Variants in TMEM232 observed in about 807,000 individuals in gnomAD.
TMEM232 encodes transmembrane protein 232.
TMEM232 carries 80 observed loss-of-function variants against 78.8 expected under a neutral mutation model. The ratio of observed to expected loss-of-function variants is 1.01; its 90% confidence interval spans 0.85 to 1.22. TMEM232 has a LOEUF of 1.22. Among genes scored for constraint, TMEM232 ranks in the 50% most tolerant of loss-of-function variants. The pLI is 0.00. For synonymous variants in TMEM232, 297 were observed against 254.3 expected (o/e 1.17, Z -1.60); for missense variants, 881 against 742.2 (o/e 1.19, Z -2.17).
chr5:110,566,806 A>G (rs1184757438), intron 11 of TMEM232, among the ~76,000 whole-genome samples: 1 of 151,916 alleles, frequency 6.6e-6, no homozygotes, highest in African/African-American at 2.4e-5. Context: ...GTATCTTTAC[A>G]GCAGCACCCC....
chr5:110,725,002 T>G (rs1226953528), intron 1 of TMEM232, among the ~76,000 whole-genome samples: 1 of 152,212 alleles, frequency 6.6e-6, no homozygotes, highest in Non-Finnish European at 1.5e-5. Context: ...GGTATATTTT[T>G]TAAAGAGATT....
intron 12 of TMEM232, among the ~76,000 whole-genome samples, chr5:110,516,638 CCAA>C (rs1450611611): frequency 6.6e-6 from 1 of 151,962 alleles, no homozygotes; most frequent in African/African-American, 2.4e-5. Context: ...GAGCATGCAT[CCAA>C]CAACATGTTC....
chr5:110,731,615 C>A (rs1580823042), upstream of TMEM232, among the ~76,000 whole-genome samples: 1 of 150,028 alleles, frequency 6.7e-6, no homozygotes, highest in Admixed American at 6.6e-5. Context: ...GAAGCCACAG[C>A]CCAAGCTCTA....
rs575018488 is a variant in TMEM232, at chr5:110,685,701, T to C, written c.-12-18337A>G. On this transcript the variant is annotated intron_variant, in intron 1 of 13. Coordinates refer to ENST00000455884, the MANE Select transcript of TMEM232 (RefSeq NM_001039763.4). Reference sequence around the variant, plus strand: ...AAAAAGACTTGTACAAGAATGCCTATAGTACTGTTATTCGCAATAGTCCCA... The same window carrying C: ...AAAAAGACTTGTACAAGAATGCCTACAGTACTGTTATTCGCAATAGTCCCA... Among the ~76,000 whole-genome samples, 49 of 152,256 alleles carry C rather than the reference T, an allele frequency of 3.2e-4. 1 individual carries two copies. The highest frequency in any genetic ancestry group is 1.1e-3 in the African/African-American group (46 of 41,550).
At chr5:110,448,195 A>G (rs543402658) in intron 12 of TMEM232, among the ~76,000 whole-genome samples, 1 of 152,242 alleles carries the variant, frequency 6.6e-6, no homozygotes, top group South Asian at 2.1e-4. Context: ...TGCAGTATAA[A>G]ATCATGAAAT....
intron 10 of TMEM232, among the ~76,000 whole-genome samples, chr5:110,578,447 A>C (rs1248738807): frequency 1.3e-5 from 2 of 152,016 alleles, no homozygotes; most frequent in Non-Finnish European, 2.9e-5. Context: ...AGATTCCGAG[A>C]GATATAACAA....
At chr5:110,665,972 G>A (rs1408039892) in intron 2 of TMEM232, among the ~76,000 whole-genome samples, 1 of 151,652 alleles carries the variant, frequency 6.6e-6, no homozygotes, top group African/African-American at 2.4e-5. Flanking sequence ...AGGAGGCTGA[G>A]ACAGGAGGAT....
At chr5:110,708,071 G>A (rs1796118228) in intron 1 of TMEM232, among the ~76,000 whole-genome samples, 3 of 152,090 alleles carry the variant, frequency 2.0e-5, no homozygotes. Context: ...CTCCAGGTGA[G>A]ATCCAGTACA....
chr5:110,709,523 G>T (rs1796260411), intron 1 of TMEM232, among the ~76,000 whole-genome samples: 1 of 152,014 alleles, frequency 6.6e-6, no homozygotes, highest in Non-Finnish European at 1.5e-5. Flanking sequence ...AAATGAAATT[G>T]TAATCAGGCA....
intron 12 of TMEM232, among the ~76,000 whole-genome samples, chr5:110,428,688 C>A (rs763905317): frequency 3.0e-4 from 45 of 151,134 alleles, no homozygotes; most frequent in Non-Finnish European, 5.6e-4. Flanking sequence ...AATTTCTCTC[C>A]TCCACTGCAA....
chr5:110,428,686 T>C (rs1347136226), intron 12 of TMEM232, among the ~76,000 whole-genome samples: 1 of 151,454 alleles, frequency 6.6e-6, no homozygotes, highest in Non-Finnish European at 1.5e-5. Context: ...TTAATTTCTC[T>C]CCTCCACTGC....
At chr5:110,507,979 T>C (rs894358587) in intron 12 of TMEM232, among the ~76,000 whole-genome samples, 2 of 152,222 alleles carry the variant, frequency 1.3e-5, no homozygotes, top group African/African-American at 2.4e-5. Flanking sequence ...TGTATGCTAA[T>C]AGGTGGTTGA....
intron 10 of TMEM232, among the ~76,000 whole-genome samples, chr5:110,575,502 A>G (rs541041091): frequency 1.3e-5 from 2 of 152,140 alleles, no homozygotes; most frequent in African/African-American, 4.8e-5. Context: ...TGTATTAACT[A>G]AAAATAATTA....
chr5:110,738,326 C>A, upstream of TMEM232: 1 of 1,102,950 alleles, frequency 9.1e-7, no homozygotes. Flanking sequence ...ACTGGGATTT[C>A]AATACCCTGA....
At chr5:110,396,117 A>G (rs910913510) in intron 3 of TMEM232, among the ~76,000 whole-genome samples, 7 of 152,176 alleles carry the variant, frequency 4.6e-5, no homozygotes, top group African/African-American at 1.7e-4. Flanking sequence ...CAATTGTGGC[A>G]GAAGGCAAAG....
intron 12 of TMEM232, among the ~76,000 whole-genome samples, chr5:110,455,379 AC>A (rs1760786430): frequency 6.6e-6 from 1 of 150,406 alleles, no homozygotes; most frequent in Admixed American, 6.6e-5. Context: ...GTAGATATAA[AC>A]TTTTTTTTTT....
At chr5:110,609,563 A>C (rs1404747076) in intron 8 of TMEM232, among the ~76,000 whole-genome samples, 1 of 151,954 alleles carries the variant, frequency 6.6e-6, no homozygotes, top group African/African-American at 2.4e-5. Flanking sequence ...CTGGTAATGA[A>C]AAGGGTAGTA....
chr5:110,495,283 A>G (rs1160272346), intron 12 of TMEM232, among the ~76,000 whole-genome samples: 1 of 151,902 alleles, frequency 6.6e-6, no homozygotes, highest in East Asian at 1.9e-4. Context: ...TCTTGGCTGT[A>G]TACTGCAATC....
At chr5:110,475,579 TG>T (rs1470112600) in intron 12 of TMEM232, among the ~76,000 whole-genome samples, 1 of 144,520 alleles carries the variant, frequency 6.9e-6, no homozygotes, top group Admixed American at 6.8e-5. Context: ...CAGGGAAAAC[TG>T]CCAATCTCCA....
Sources: allele counts gnomAD v4.1 joint callset (sites outside exome capture counted in the v4.1 genomes callset), GRCh38; gene constraint gnomAD v4.1.1; transcripts MANE v1.5; gene names NCBI Gene and HGNC (gene_info 2026-07-23, HGNC 2026-07-21).